SGIP1: variants seen among roughly 807,000 people sequenced by gnomAD.
SGIP1 encodes SH3GL interacting endocytic adaptor 1.
A neutral mutation model predicts 107.5 loss-of-function variants in SGIP1; 38 were observed. That is an observed-to-expected ratio of 0.35 (90% CI 0.27 to 0.46). The LOEUF (loss-of-function observed/expected upper bound fraction) is 0.46, where lower values mean the gene tolerates loss of function less well. Among genes scored for constraint, SGIP1 ranks in the 20% least tolerant of loss-of-function variants. The pLI, the probability that SGIP1 is intolerant of heterozygous loss-of-function variation, is 1.00. For missense variants in SGIP1, 929 were observed against 1,019.5 expected (o/e 0.91, Z 1.21); for synonymous variants, 365 against 366.1 (o/e 1.00, Z 0.03).
intron 12 of SGIP1, 128 bp downstream of exon 12, chr1:66,673,494 C>T (rs940136248): frequency 1.9e-5 from 16 of 839,544 alleles, no homozygotes; most frequent in Non-Finnish European, 2.4e-5. Flanking sequence ...AGAAAAGTTT[C>T]AATCTAGGTG....
In SGIP1 at chr1:66,747,635, G is replaced by C. The variant is rs2094570823; in HGVS notation, c.*4540G>C. On this transcript the variant is annotated 3_prime_UTR_variant, in exon 25 of 25. Coordinates refer to ENST00000371037, the MANE Select transcript of SGIP1 (RefSeq NM_032291.4). The stretch of plus-strand genomic sequence containing the variant: ...CTTGTGAGTTGAACCTATTTATTTT[G>C]TAAGCTTTTGACTTTACAAACATGT... 6.6e-6 allele frequency: 1 copy of C among 151,924 alleles called. No individual in the cohort carries two copies. Among genetic ancestry groups the C allele is most frequent in the Admixed American group, 6.6e-5 (1 of 15,244 alleles). 9.4% of individuals were successfully genotyped at this position (151,924 alleles called of 1,614,324 possible). A position where few individuals can be genotyped will look rare whatever the true frequency, so the allele number is the denominator to read the frequency against.
Position 66,719,285 on chromosome 1 carries a change from T to G in SGIP1, c.1631-9T>G. The G allele has an allele frequency of 6.3e-7, 1 of 1,592,558 alleles. No individual in the cohort carries two copies. ...TTCATAATAAATGAAAATTTTTCATTTCATGCAGGTTCTTCCAGGGGACCC... is the reference window on the plus strand; with the variant it reads ...TTCATAATAAATGAAAATTTTTCATGTCATGCAGGTTCTTCCAGGGGACCC... On this transcript the variant is annotated splice_polypyrimidine_tract_variant and intron_variant, in intron 18 of 24. Transcript: ENST00000371037.
intron 1 of SGIP1, among the ~76,000 whole-genome samples, chr1:66,540,036 G>A (rs1176930654): frequency 1.3e-5 from 2 of 152,110 alleles, no homozygotes; most frequent in Non-Finnish European, 2.9e-5. Context: ...AACAAAACTA[G>A]ATATAAATGG....
In SGIP1 at chr1:66,671,954, G is replaced by T. The variant is rs763725564; in HGVS notation, c.519G>T (p.Val173=). 4.3e-6 allele frequency: 7 copies of T among 1,613,894 alleles called. No individual in the cohort carries two copies. Among genetic ancestry groups the T allele is most frequent in the Non-Finnish European group, 5.9e-6 (7 of 1,179,946 alleles). ...AIKRNLSSEE[V]ARPRRSTPTP... is the part of the protein sequence containing the mutation. ...TGTCCTGTGCATCAGGTGAAGAAGT[G>T]GCAAGACCCAGGCGTTCCACACCAA... is the stretch of plus-strand genomic sequence containing the variant. The change falls in exon 11 of 25, where the codon GTG becomes GTT. Residue 173 remains valine, a synonymous_variant. Transcript: ENST00000371037.
At chr1:66,666,731 G>C (rs924347026) in intron 8 of SGIP1, 2 of 152,230 alleles carry the variant, frequency 1.3e-5, no homozygotes, top group Non-Finnish European at 2.9e-5. Flanking sequence ...TCTCTTTGAA[G>C]CAATTGTGAA....
intron 19 of SGIP1, among the ~76,000 whole-genome samples, chr1:66,719,871 C>T (rs191734516): frequency 6.6e-6 from 1 of 152,224 alleles, no homozygotes; most frequent in Admixed American, 6.5e-5. Context: ...CTTCTCAAAA[C>T]ACACGAAGTA....
chr1:66,634,739 G>A (rs1570989045), intron 3 of SGIP1, among the ~76,000 whole-genome samples: 1 of 152,190 alleles, frequency 6.6e-6, no homozygotes, highest in Admixed American at 6.5e-5. Context: ...AAAAGGCTAC[G>A]TTCAAAATAA....
At chr1:66,582,433 T>G (rs1455014293) in intron 1 of SGIP1, among the ~76,000 whole-genome samples, 2 of 151,998 alleles carry the variant, frequency 1.3e-5, no homozygotes, top group Non-Finnish European at 2.9e-5. Flanking sequence ...CAAATATGAA[T>G]GGAGAGTCAT....
At chr1:66,585,655 G>A (rs564473978) in intron 1 of SGIP1, among the ~76,000 whole-genome samples, 1 of 151,394 alleles carries the variant, frequency 6.6e-6, no homozygotes, top group Admixed American at 6.6e-5. Flanking sequence ...TTTTTGTTTT[G>A]TTTTGTTTTG....
intron 18 of SGIP1, among the ~76,000 whole-genome samples, chr1:66,695,837 G>A (rs182771996): frequency 6.6e-6 from 1 of 152,226 alleles, no homozygotes; most frequent in Admixed American, 6.5e-5. Context: ...TAACTCTTTT[G>A]CAAATGCAGT....
At chr1:66,602,270 C>T (rs904895536) in intron 1 of SGIP1, among the ~76,000 whole-genome samples, 6 of 152,182 alleles carry the variant, frequency 3.9e-5, no homozygotes, top group African/African-American at 1.4e-4. Flanking sequence ...AAACTCGACC[C>T]ATGTGACCTG....
chr1:66,534,450 A>G, intron 1 of SGIP1, 82 bp downstream of exon 1: 4 of 1,515,940 alleles, frequency 2.6e-6, no homozygotes, highest in Non-Finnish European at 3.7e-6. Flanking sequence ...CAGCCAGTGT[A>G]TGTGGCGGTT....
rs2094593664 is a variant in SGIP1, at chr1:66,749,297, A to G, written c.*6202A>G. Among the ~76,000 whole-genome samples, 2 of 152,056 alleles carry G rather than the reference A, an allele frequency of 1.3e-5. No individual in the cohort carries two copies. Among genetic ancestry groups the G allele is most frequent in the Admixed American group, 1.3e-4 (2 of 15,274 alleles). ...TTTACTAAACAGCTTTAGGAAACTG[A>G]ATCATGATAGATCAATGTTGACAGT... On this transcript the variant is annotated 3_prime_UTR_variant, in exon 25 of 25. Transcript: ENST00000371037.
intron 1 of SGIP1, among the ~76,000 whole-genome samples, chr1:66,604,587 C>A (rs114430618): frequency 6.6e-6 from 1 of 152,158 alleles, no homozygotes; most frequent in Non-Finnish European, 1.5e-5. Context: ...TTCTCTCAAC[C>A]CATTTTCTCA....
intron 5 of SGIP1, among the ~76,000 whole-genome samples, chr1:66,641,569 G>T (rs976079067): frequency 6.6e-6 from 1 of 151,980 alleles, no homozygotes; most frequent in Non-Finnish European, 1.5e-5. Context: ...ACATTTGTTG[G>T]GTGTGTTTCC....
At chr1:66,635,335 C>T (rs2075571068) in intron 3 of SGIP1, among the ~76,000 whole-genome samples, 1 of 152,254 alleles carries the variant, frequency 6.6e-6, no homozygotes, top group Non-Finnish European at 1.5e-5. Context: ...CTAACCTAGA[C>T]ACAAACTCTA....
chr1:66,654,496 G>A (rs928076143), intron 7 of SGIP1, among the ~76,000 whole-genome samples: 1 of 151,764 alleles, frequency 6.6e-6, no homozygotes, highest in African/African-American at 2.4e-5. Context: ...TTACTAAGGA[G>A]TTTCTACAAA....
chr1:66,727,706 A>G (rs907826052), intron 19 of SGIP1, among the ~76,000 whole-genome samples: 1 of 152,238 alleles, frequency 6.6e-6, no homozygotes, highest in Non-Finnish European at 1.5e-5. Flanking sequence ...AAAGAAATGA[A>G]CTATTAGTGC....
chr1:66,593,640 C>A (rs2064066136), intron 1 of SGIP1, among the ~76,000 whole-genome samples: 1 of 152,132 alleles, frequency 6.6e-6, no homozygotes, highest in Non-Finnish European at 1.5e-5. Flanking sequence ...GGCACAGGGG[C>A]TCATGCCTGT....
Sources: gnomAD v4.1 joint callset for allele counts (sites outside exome capture counted in the v4.1 genomes callset) on GRCh38, gnomAD v4.1.1 for gene constraint, MANE v1.5 for transcripts, NCBI Gene and HGNC (gene_info 2026-07-23, HGNC 2026-07-21) for gene names.